The following BRDT variants were observed in gnomAD, a reference collection of about 807,000 sequenced individuals.
BRDT encodes bromodomain testis-specific protein.
In BRDT, 77 loss-of-function variants were observed where a neutral mutation model predicts 113.9. The observed-to-expected ratio is 0.68, with a 90% CI of 0.56 to 0.82. The LOEUF (loss-of-function observed/expected upper bound fraction) is 0.82. Ranked by LOEUF, BRDT falls within the 40% of genes least tolerant of loss-of-function variation. The pLI is 0.00. For missense variants in BRDT, 1,027 were observed against 1,105.4 expected (o/e 0.93, Z 1.01); for synonymous variants, 358 against 366.5 (o/e 0.98, Z 0.26).
chr1:91,984,618 A>T (rs1374644370), intron 12 of BRDT, among the ~76,000 whole-genome samples: 1 of 152,174 alleles, frequency 6.6e-6, no homozygotes, highest in Non-Finnish European at 1.5e-5. Flanking sequence ...AAAATAAAAT[A>T]TAAATATGAA....
chr1:91,950,879 G>C (rs963146116), intron 1 of BRDT: 1 of 151,880 alleles, frequency 6.6e-6, no homozygotes, highest in African/African-American at 2.4e-5. Context: ...AGAAAAATTA[G>C]CCGGGCATGG....
chr1:91,976,576 G>A, intron 5 of BRDT, 138 bp downstream of exon 5: 5 of 833,362 alleles, frequency 6.0e-6, no homozygotes, highest in Non-Finnish European at 8.7e-6. Flanking sequence ...AAATAATACT[G>A]TTTCCGCCTC....
chr1:92,008,097 T>C (rs891458423), intron 18 of BRDT, among the ~76,000 whole-genome samples: 7 of 152,150 alleles, frequency 4.6e-5, no homozygotes, highest in African/African-American at 1.7e-4. Context: ...TTTGTATTTT[T>C]AGTAGAGCCA....
intron 13 of BRDT, among the ~76,000 whole-genome samples, chr1:91,991,620 T>C (rs1685759082): frequency 6.6e-6 from 1 of 152,032 alleles, no homozygotes; most frequent in Admixed American, 6.6e-5. Context: ...GTAGTTAAGG[T>C]TTCTACAGAT....
intron 11 of BRDT, 39 bp downstream of exon 11, chr1:91,981,420 A>T (rs201663866): frequency 1.3e-6 from 2 of 1,549,080 alleles, no homozygotes; most frequent in East Asian, 4.5e-5. Flanking sequence ...GTATGTATGT[A>T]TGTATGTAGA....
Position 91,981,341 on chromosome 1 carries a change from T to A in BRDT, c.1824T>A (p.Asp608Glu). The change falls in exon 11 of 19, where the codon GAT (aspartate) becomes GAA (glutamate). Residue 608 changes from aspartate (D) to glutamate (E), a missense_variant. Transcript: ENST00000399546. The stretch of plus-strand genomic sequence containing the variant: ...AGGAATTGGAAAAGCGGTTACTGGA[T>A]GTTAATAATCAGTTAAATTCTAGAA... ...KKQELEKRLL[D>E]VNNQLNSRKR... 3.7e-6 allele frequency: 6 copies of A among 1,614,066 alleles called. No homozygotes were observed. Among genetic ancestry groups the A allele is most frequent in the Non-Finnish European group, 3.4e-6 (4 of 1,179,982 alleles).
intron 4 of BRDT, among the ~76,000 whole-genome samples, chr1:91,968,911 ATTATTTATTTATTTATTTATTTAT>A (rs141543100): frequency 1.4e-5 from 2 of 147,698 alleles, no homozygotes; most frequent in South Asian, 2.2e-4. Flanking sequence ...TATCAGGAAA[ATTATTTATTTATTTATTTATTTAT>A]TTATTTATTT....
intron 16 of BRDT, among the ~76,000 whole-genome samples, chr1:92,002,759 T>C (rs1210041646): frequency 6.6e-6 from 1 of 152,230 alleles, no homozygotes; most frequent in Non-Finnish European, 1.5e-5. Context: ...TTTTAGAATC[T>C]ATTCTAGGGA....
chr1:92,004,974 T>G lies in BRDT; in HGVS notation c.2595-145T>G, dbSNP rs1687172186. The G allele has an allele frequency of 4.7e-6, 3 of 639,498 alleles. No individual in the cohort carries two copies. In the South Asian group the frequency reaches 1.3e-4, roughly 28 times the overall value. The allele number at this position is 639,498 out of a possible 1,614,324, so 39.6% of individuals were successfully genotyped here. A position where few individuals can be genotyped will look rare whatever the true frequency, so the allele number is the denominator to read the frequency against. On this transcript the variant is annotated intron_variant, in intron 17 of 18. Transcript: ENST00000399546. ...ATGGATTAGCCTATGTGTAATTTGATGCATCAAAAATAAAGCTTAAAATAA... is the reference window on the plus strand; with the variant it reads ...ATGGATTAGCCTATGTGTAATTTGAGGCATCAAAAATAAAGCTTAAAATAA...
intron 12 of BRDT, among the ~76,000 whole-genome samples, chr1:91,987,709 T>A (rs903618678): frequency 3.3e-5 from 5 of 152,068 alleles, no homozygotes; most frequent in Non-Finnish European, 4.4e-5. Context: ...ACTTTTCAAG[T>A]TTTTTAGTTC....
At chr1:92,003,676 T>C (rs1363501601) in intron 16 of BRDT, among the ~76,000 whole-genome samples, 1 of 152,204 alleles carries the variant, frequency 6.6e-6, no homozygotes, top group East Asian at 1.9e-4. Flanking sequence ...AGATCAATTG[T>C]TTCTAGTAGG....
chr1:91,985,745 T>TC (rs1244165305), intron 12 of BRDT, among the ~76,000 whole-genome samples: 2 of 151,312 alleles, frequency 1.3e-5, no homozygotes, highest in African/African-American at 2.4e-5. Context: ...TTCACGTTAT[T>TC]CTCCTGCCTC....
At chr1:91,953,486 C>T (rs1457174694) in intron 1 of BRDT, among the ~76,000 whole-genome samples, 1 of 151,856 alleles carries the variant, frequency 6.6e-6, no homozygotes, top group East Asian at 1.9e-4. Context: ...TCAAGACCAG[C>T]CCGGCCAATA....
Position 91,981,138 on chromosome 1 carries a change from T to G in BRDT, c.1710T>G (p.Tyr570Ter), listed in dbSNP as rs975118725. The G allele has an allele frequency of 6.2e-6, 10 of 1,612,788 alleles. No homozygotes were observed. The highest frequency in any genetic ancestry group is 8.5e-6 in the Non-Finnish European group (10 of 1,179,720). ...KASTLRELEK[Y>*]VSACLRKRPL... ...CAACACTAAGAGAATTAGAAAAATATGTTTCGGCATGTCTAAGAAAGAGAC... is the reference window on the plus strand; with the variant it reads ...CAACACTAAGAGAATTAGAAAAATAGGTTTCGGCATGTCTAAGAAAGAGAC... The change falls in exon 10 of 19, where the codon TAT becomes TAG. Residue 570 changes from tyrosine (Y) to a stop codon, truncating the protein, a stop_gained. Coordinates refer to ENST00000399546, the MANE Select transcript of BRDT (RefSeq NM_207189.4). LOFTEE classifies it high-confidence loss of function.
rs374447327 is a variant in BRDT at position 91,951,522 on chromosome 1, C to T, written c.-38+1840C>T. On this transcript the variant is annotated intron_variant, in intron 1 of 18. Transcript: ENST00000399546. ...AAAAAAAAAGAAAAAAAAGGCTGGGCGCGGTGGCTCACGCCTGTAATCCCA... is the reference window on the plus strand; with the variant it reads ...AAAAAAAAAGAAAAAAAAGGCTGGGTGCGGTGGCTCACGCCTGTAATCCCA... Among the ~76,000 whole-genome samples the T allele has an allele frequency of 4.6e-5, 7 of 152,110 alleles. No homozygotes were observed. The East Asian group carries it at 5.8e-4, about 13-fold the overall frequency.
chr1:92,008,490 A>G (rs1001677635), intron 18 of BRDT, among the ~76,000 whole-genome samples: 1 of 152,130 alleles, frequency 6.6e-6, no homozygotes, highest in Non-Finnish European at 1.5e-5. Context: ...ATCAATGTCA[A>G]TACATCATTG....
chr1:91,966,842 G>T (rs1051242008), intron 3 of BRDT, among the ~76,000 whole-genome samples: 1 of 152,280 alleles, frequency 6.6e-6, no homozygotes, highest in East Asian at 1.9e-4. Flanking sequence ...AGGCCAAGGC[G>T]GGTGGATCAC....
At chr1:91,982,745 A>G (rs1684833876) in intron 12 of BRDT, among the ~76,000 whole-genome samples, 1 of 152,138 alleles carries the variant, frequency 6.6e-6, no homozygotes. Context: ...TTGTTTTTAC[A>G]TTTCTAAAGT....
At chr1:92,002,020 T>G in intron 15 of BRDT, 29 bp from the exon 16 acceptor site, 1 of 1,469,390 alleles carries the variant, frequency 6.8e-7, no homozygotes, top group Non-Finnish European at 9.4e-7. Context: ...ATATTTTAAT[T>G]ATACTATTCT....
Sources: allele counts gnomAD v4.1 joint callset (sites outside exome capture counted in the v4.1 genomes callset), GRCh38; gene constraint gnomAD v4.1.1; transcripts MANE v1.5; gene names NCBI Gene and HGNC (gene_info 2026-07-23, HGNC 2026-07-21).